Variants in PCTP observed in about 807,000 individuals in gnomAD.
PCTP encodes the protein phosphatidylcholine transfer protein.
PCTP carries 27 observed loss-of-function variants against 31.0 expected under a neutral mutation model. The observed-to-expected ratio is 0.87, with a 90% CI of 0.64 to 1.20. The LOEUF (loss-of-function observed/expected upper bound fraction) is 1.20, where lower values mean the gene tolerates loss of function less well. Ranked by LOEUF, PCTP falls within the 50% of genes most tolerant of loss-of-function variation. The pLI is 0.00. For missense variants in PCTP, 287 were observed against 268.2 expected (o/e 1.07, Z -0.49); for synonymous variants, 108 against 101.2 (o/e 1.07, Z -0.40).
intron 3 of PCTP, among the ~76,000 whole-genome samples, chr17:55,802,839 T>G (rs1164199530): frequency 6.6e-6 from 1 of 152,094 alleles, no homozygotes; most frequent in Non-Finnish European, 1.5e-5. Flanking sequence ...CCACTCCTAT[T>G]CAACATAGTA....
downstream of PCTP, among the ~76,000 whole-genome samples, chr17:55,846,356 C>G (rs28667099): frequency 0.26 from 39,963 of 152,088 alleles, 7,511 homozygotes; most frequent in African/African-American, 0.53. Flanking sequence ...AACAGGTACA[C>G]TCCCTGCTCT....
At chr17:55,775,129 A>G (rs138587757) in intron 5 of PCTP, among the ~76,000 whole-genome samples, 32 of 152,118 alleles carry the variant, frequency 2.1e-4, no homozygotes, top group African/African-American at 7.7e-4. Context: ...CACTCTCTGG[A>G]ACTTCTGGAC....
At chr17:55,833,842 A>G (rs1905688079) in intron 5 of PCTP, among the ~76,000 whole-genome samples, 1 of 152,162 alleles carries the variant, frequency 6.6e-6, no homozygotes, top group South Asian at 2.1e-4. Context: ...ATATCCTTGG[A>G]TTAAGACTTC....
intron 2 of PCTP, among the ~76,000 whole-genome samples, chr17:55,786,300 A>G (rs904511454): frequency 6.6e-6 from 1 of 152,174 alleles, no homozygotes; most frequent in African/African-American, 2.4e-5. Context: ...AAAATAGAAT[A>G]AAATAGCCAT....
intron 2 of PCTP, chr17:55,769,600 T>C (rs940230101): frequency 1.3e-5 from 2 of 152,248 alleles, no homozygotes; most frequent in African/African-American, 4.8e-5. Flanking sequence ...CTCTGGGTTC[T>C]CATCCAGTGG....
chr17:55,785,457 C>G (rs1425613777), intron 2 of PCTP, among the ~76,000 whole-genome samples: 1 of 152,162 alleles, frequency 6.6e-6, no homozygotes, highest in Non-Finnish European at 1.5e-5. Flanking sequence ...TAAGCCAAGA[C>G]ACACTGGAAC....
chr17:55,776,441 T>A lies in PCTP; in HGVS notation c.*341T>A. The A allele has an allele frequency of 8.1e-7, 1 of 1,233,880 alleles. No homozygotes were observed. The allele number at this position is 1,233,880 out of a possible 1,614,324, so 76.4% of individuals were successfully genotyped here. A position where few individuals can be genotyped will look rare whatever the true frequency, so the allele number is the denominator to read the frequency against. ...GGGAAGTCTTCAGTAGGGAACACGA[T>A]CATTCCATTGTGCAATTTTACGGGG... On this transcript the variant is annotated 3_prime_UTR_variant, in exon 6 of 6. Transcript: ENST00000268896.
intron 3 of PCTP, among the ~76,000 whole-genome samples, chr17:55,818,203 G>A (rs554214635): frequency 6.6e-6 from 1 of 152,306 alleles, no homozygotes; most frequent in South Asian, 2.1e-4. Flanking sequence ...GCACAGAAAC[G>A]GAGATCGCAT....
intron 3 of PCTP, among the ~76,000 whole-genome samples, chr17:55,812,556 G>A (rs182721559): frequency 8.5e-5 from 13 of 152,294 alleles, no homozygotes; most frequent in African/African-American, 2.9e-4. Flanking sequence ...GAAAGTGTGA[G>A]GTCAATGATT....
intron 5 of PCTP, among the ~76,000 whole-genome samples, chr17:55,840,347 G>A (rs1168555327): frequency 1.3e-5 from 2 of 152,128 alleles, no homozygotes; most frequent in African/African-American, 4.8e-5. Flanking sequence ...CTGTATCTTT[G>A]TACACTTTAC....
At chr17:55,816,926 T>C (rs1912938676) in intron 3 of PCTP, among the ~76,000 whole-genome samples, 1 of 152,196 alleles carries the variant, frequency 6.6e-6, no homozygotes, top group African/African-American at 2.4e-5. Context: ...GACTGAGAGA[T>C]AATTGGCCAC....
intron 1 of PCTP, among the ~76,000 whole-genome samples, chr17:55,760,281 A>C (rs1445475424): frequency 6.6e-6 from 1 of 152,182 alleles, no homozygotes. Context: ...ACAGTTCTGA[A>C]TCCCAGTTCT....
intron 3 of PCTP, among the ~76,000 whole-genome samples, chr17:55,790,708 T>G (rs1378987303): frequency 2.0e-5 from 3 of 150,904 alleles, no homozygotes; most frequent in Admixed American, 6.6e-5. Flanking sequence ...AGAATCAATA[T>G]CGTGAAAATG....
intron 5 of PCTP, among the ~76,000 whole-genome samples, chr17:55,837,457 C>T (rs1567735465): frequency 2.0e-5 from 3 of 152,212 alleles, no homozygotes; most frequent in Non-Finnish European, 2.9e-5. Context: ...GCCTCTTAGA[C>T]GATTTGGATG....
chr17:55,760,910 T>G (rs1910309373), intron 1 of PCTP, among the ~76,000 whole-genome samples: 1 of 152,186 alleles, frequency 6.6e-6, no homozygotes, highest in East Asian at 1.9e-4. Flanking sequence ...TCACTCACAT[T>G]ACACAGCTAA....
At chr17:55,804,519 G>A (rs1348417045) in intron 3 of PCTP, among the ~76,000 whole-genome samples, 5 of 152,184 alleles carry the variant, frequency 3.3e-5, no homozygotes, top group Admixed American at 3.3e-4. Context: ...ACACACCATG[G>A]AATACTATGC....
downstream of PCTP, among the ~76,000 whole-genome samples, chr17:55,827,234 A>C (rs1045258478): frequency 2.0e-5 from 3 of 152,132 alleles, no homozygotes; most frequent in African/African-American, 7.2e-5. Context: ...GAGGCTTTGC[A>C]TGCTTCTGCC....
intron 1 of PCTP, among the ~76,000 whole-genome samples, chr17:55,760,538 A>G (rs562575684): frequency 1.2e-4 from 18 of 152,300 alleles, no homozygotes; most frequent in Admixed American, 2.6e-4. Flanking sequence ...AGCCCATGCT[A>G]TTACCACCAC....
intron 3 of PCTP, among the ~76,000 whole-genome samples, chr17:55,818,501 C>G (rs1019032683): frequency 2.0e-5 from 3 of 152,128 alleles, no homozygotes; most frequent in Admixed American, 2.0e-4. Flanking sequence ...AACTACTTAG[C>G]TATGTGGAGG....
Sources: allele counts gnomAD v4.1 joint callset (sites outside exome capture counted in the v4.1 genomes callset), GRCh38; gene constraint gnomAD v4.1.1; transcripts MANE v1.5; gene names NCBI Gene and HGNC (gene_info 2026-07-23, HGNC 2026-07-21).